Variants in CORO2A observed in about 807,000 individuals in gnomAD.
The protein encoded by CORO2A is coronin 2A.
In CORO2A, 47 loss-of-function variants were observed where a neutral mutation model predicts 62.4. The observed-to-expected ratio is 0.75, with a 90% CI of 0.60 to 0.96. The LOEUF is 0.96. Ranked by LOEUF, CORO2A falls within the 40% of genes least tolerant of loss-of-function variation. The pLI is 0.00. For missense variants in CORO2A, 610 were observed against 684.1 expected (o/e 0.89, Z 1.21); for synonymous variants, 273 against 268.9 (o/e 1.02, Z -0.15).
chr9:98,154,352 T>TATATATATATATACAC lies in CORO2A; in HGVS notation c.201+3107_201+3108insGTGTATATATATATAT, dbSNP rs71369555. Among the ~76,000 whole-genome samples the TATATATATATATACAC allele has an allele frequency of 2.8e-3, 265 of 94,044 alleles. 2 individuals are homozygous for TATATATATATATACAC. Among genetic ancestry groups the TATATATATATATACAC allele is most frequent in the African/African-American group, 9.0e-3 (240 of 26,806 alleles). The allele number at this position is 94,044 out of a possible 152,430, so 61.7% of individuals were successfully genotyped here. On this transcript the variant is annotated intron_variant, in intron 2 of 11. Coordinates refer to ENST00000375077, the MANE Select transcript of CORO2A (RefSeq NM_052820.4). Reference sequence around the variant, plus strand: ...GTGTATATATATATATATATATATATACACAAATACATATATATATATATT... The same window carrying TATATATATATATACAC: ...GTGTATATATATATATATATATATATATATATATATATACACACACAAATACATATATATATATATT...
chr9:98,153,609 A>G (rs2118864954), intron 2 of CORO2A, among the ~76,000 whole-genome samples: 1 of 150,784 alleles, frequency 6.6e-6, no homozygotes, highest in African/African-American at 2.4e-5. Context: ...GGGTCTTGCT[A>G]TACTGCCCAG....
At chr9:98,184,141 T>C (rs1458342706) in intron 1 of CORO2A, among the ~76,000 whole-genome samples, 1 of 152,168 alleles carries the variant, frequency 6.6e-6, no homozygotes, top group African/African-American at 2.4e-5. Context: ...TTGGGTGTCC[T>C]GGAAGCTGAA....
intron 2 of CORO2A, among the ~76,000 whole-genome samples, chr9:98,141,074 A>G (rs1355913792): frequency 6.6e-6 from 1 of 152,176 alleles, no homozygotes; most frequent in East Asian, 1.9e-4. Flanking sequence ...AGAGTTCTGA[A>G]AACAAAAAAT....
intron 5 of CORO2A, among the ~76,000 whole-genome samples, chr9:98,132,593 G>A (rs1477570779): frequency 1.3e-5 from 2 of 152,210 alleles, no homozygotes; most frequent in Non-Finnish European, 2.9e-5. Flanking sequence ...CTACAGGGGC[G>A]GGCACTGTCA....
intron 11 of CORO2A, among the ~76,000 whole-genome samples, 189 bp downstream of exon 11, chr9:98,126,360 A>G (rs1002859022): frequency 6.6e-6 from 1 of 152,080 alleles, no homozygotes; most frequent in African/African-American, 2.4e-5. Flanking sequence ...TATGCCCATC[A>G]TTTTGGCATA....
intron 9 of CORO2A, 120 bp downstream of exon 9, chr9:98,128,487 G>T: frequency 1.1e-6 from 1 of 908,028 alleles, no homozygotes; most frequent in Non-Finnish European, 1.8e-6. Context: ...CTGTGAGAAA[G>T]GCCGCTCTGT....
chr9:98,124,600 A>C lies in CORO2A; in HGVS notation c.*174T>G, dbSNP rs1466353129. 1.6e-6 allele frequency: 1 copy of C among 609,614 alleles called. No individual in the cohort carries two copies. The highest frequency in any genetic ancestry group is 2.6e-6 in the Non-Finnish European group (1 of 390,024). The allele number at this position is 609,614 out of a possible 1,614,324, so 37.8% of individuals were successfully genotyped here. A position where few individuals can be genotyped will look rare whatever the true frequency, so the allele number is the denominator to read the frequency against. ...CAGAAACTGTTGTTGCAAGAAGGCAAACAGAAAAACGGCACCATGTCCCAC... is the reference window on the plus strand; with the variant it reads ...CAGAAACTGTTGTTGCAAGAAGGCACACAGAAAAACGGCACCATGTCCCAC... On this transcript the variant is annotated 3_prime_UTR_variant, in exon 12 of 12. Coordinates refer to ENST00000375077, the MANE Select transcript of CORO2A (RefSeq NM_052820.4).
intron 8 of CORO2A, 148 bp from the exon 9 acceptor site, chr9:98,128,867 C>G: frequency 1.6e-6 from 1 of 624,966 alleles, no homozygotes; most frequent in South Asian, 1.9e-5. Context: ...CTGGGCTGGG[C>G]CCTATGTTGG....
intron 1 of CORO2A, among the ~76,000 whole-genome samples, chr9:98,192,120 C>T (rs1019756904): frequency 6.6e-6 from 1 of 152,214 alleles, no homozygotes; most frequent in Non-Finnish European, 1.5e-5. Context: ...AGCTGAGGCC[C>T]AGCAGGTAAC....
At chr9:98,150,179 C>T (rs1383001613) in intron 2 of CORO2A, among the ~76,000 whole-genome samples, 1 of 152,130 alleles carries the variant, frequency 6.6e-6, no homozygotes, top group Non-Finnish European at 1.5e-5. Flanking sequence ...GATCTGCCTG[C>T]CTCGGCTTCC....
intron 2 of CORO2A, among the ~76,000 whole-genome samples, chr9:98,155,660 A>G (rs1259769735): frequency 1.3e-5 from 2 of 152,150 alleles, no homozygotes; most frequent in African/African-American, 2.4e-5. Context: ...TTCAATTTTT[A>G]AAGTACATAA....
intron 1 of CORO2A, among the ~76,000 whole-genome samples, chr9:98,175,205 G>T (rs999750337): frequency 6.6e-6 from 1 of 152,152 alleles, no homozygotes; most frequent in African/African-American, 2.4e-5. Flanking sequence ...GCTATTCAGG[G>T]CCATCTCTGC....
At chr9:98,146,443 G>A (rs888724669) in intron 2 of CORO2A, among the ~76,000 whole-genome samples, 4 of 152,216 alleles carry the variant, frequency 2.6e-5, no homozygotes, top group Non-Finnish European at 4.4e-5. Flanking sequence ...ACTCCCTTTG[G>A]GACATCTGAA....
intron 2 of CORO2A, among the ~76,000 whole-genome samples, chr9:98,148,815 A>C (rs1469104252): frequency 1.3e-5 from 2 of 152,158 alleles, no homozygotes; most frequent in East Asian, 3.8e-4. Flanking sequence ...AACACAAAAA[A>C]AAATGATCAA....
intron 10 of CORO2A, chr9:98,127,058 G>A (rs942165): frequency 3.4e-6 from 2 of 580,358 alleles, no homozygotes; most frequent in Non-Finnish European, 6.2e-6. Context: ...GAACAGCACG[G>A]TGCGTGCACT....
intron 2 of CORO2A, among the ~76,000 whole-genome samples, chr9:98,152,852 G>A (rs1827745721): frequency 6.6e-6 from 1 of 152,104 alleles, no homozygotes; most frequent in South Asian, 2.1e-4. Context: ...ATATCATGAA[G>A]TGATGAAGAC....
At chr9:98,167,630 T>G (rs1360934675) in intron 1 of CORO2A, among the ~76,000 whole-genome samples, 3 of 152,094 alleles carry the variant, frequency 2.0e-5, no homozygotes, top group African/African-American at 4.8e-5. Flanking sequence ...TGGATCCGGA[T>G]TCACACAAAC....
chr9:98,135,178 C>A (rs1249179594), intron 3 of CORO2A, among the ~76,000 whole-genome samples: 1 of 152,288 alleles, frequency 6.6e-6, no homozygotes, highest in Middle Eastern at 3.4e-3. Flanking sequence ...TGAGCAGGGG[C>A]CAGCGCTGAC....
chr9:98,128,388 C>A, intron 9 of CORO2A, 128 bp from the exon 10 acceptor site: 1 of 859,582 alleles, frequency 1.2e-6, no homozygotes, highest in South Asian at 1.6e-5. Flanking sequence ...GCCCAGAGAA[C>A]AAAGGGACTT....
Sources: gnomAD v4.1 joint callset for allele counts (sites outside exome capture counted in the v4.1 genomes callset) on GRCh38, gnomAD v4.1.1 for gene constraint, MANE v1.5 for transcripts, NCBI Gene and HGNC (gene_info 2026-07-23, HGNC 2026-07-21) for gene names.